FRMD5: variants seen among roughly 807,000 people sequenced by gnomAD.
FRMD5 encodes FERM domain-containing protein 5.
In FRMD5, 20 loss-of-function variants were observed where a neutral mutation model predicts 69.0. That is an observed-to-expected ratio of 0.29 (90% confidence interval 0.20 to 0.42). The LOEUF (loss-of-function observed/expected upper bound fraction) is 0.42. Among genes scored for constraint, FRMD5 ranks in the 10% least tolerant of loss-of-function variants. The pLI is 1.00. For missense variants in FRMD5, 595 were observed against 708.6 expected (o/e 0.84, Z 1.82); for synonymous variants, 271 against 260.1 (o/e 1.04, Z -0.40).
chr15:43,883,457 A>G (rs900212716), intron 13 of FRMD5, among the ~76,000 whole-genome samples: 6 of 152,118 alleles, frequency 3.9e-5, no homozygotes, highest in African/African-American at 2.4e-5. Context: ...GATCCCACAT[A>G]TGCAAGTCCC....
intron 1 of FRMD5, among the ~76,000 whole-genome samples, chr15:44,119,356 T>G (rs764184118): frequency 6.6e-6 from 1 of 152,154 alleles, no homozygotes; most frequent in African/African-American, 2.4e-5. Context: ...CCAAGATCCA[T>G]GTAAAGGGAG....
chr15:43,958,779 C>T (rs2090153733), intron 1 of FRMD5, among the ~76,000 whole-genome samples: 1 of 152,166 alleles, frequency 6.6e-6, no homozygotes, highest in Non-Finnish European at 1.5e-5. Flanking sequence ...AGATTCATTG[C>T]TTTACATTCT....
chr15:44,109,593 C>T (rs2076768685), intron 1 of FRMD5, among the ~76,000 whole-genome samples: 1 of 152,028 alleles, frequency 6.6e-6, no homozygotes, highest in Admixed American at 6.6e-5. Flanking sequence ...TATTGACATC[C>T]CACCCTACGG....
intron 1 of FRMD5, among the ~76,000 whole-genome samples, chr15:44,142,053 T>C (rs1455880946): frequency 3.9e-5 from 6 of 152,154 alleles, no homozygotes; most frequent in African/African-American, 1.4e-4. Context: ...CATTATCCCA[T>C]CCTGCACTAT....
In FRMD5 at chr15:43,883,753, C is replaced by G; in HGVS notation, c.1085G>C (p.Ser362Thr). 6.2e-7 allele frequency: 1 copy of G among 1,613,994 alleles called. No individual in the cohort carries two copies. The highest frequency in any genetic ancestry group is 1.1e-5 in the South Asian group (1 of 91,062). Reference sequence around the variant, plus strand: ...TCTTCTGCGGGTCCTGGGGACGCTGCTCAGCCTTGGGCCATGGGTTATGGA... The same window carrying G: ...TCTTCTGCGGGTCCTGGGGACGCTGGTCAGCCTTGGGCCATGGGTTATGGA... ...CPSITHGPRL[S>T]SVPRTRRRAV... The change falls in exon 13 of 14, where the codon AGC (serine) becomes ACC (threonine). Residue 362 changes from serine (S) to threonine (T), a missense_variant. Physicochemically the swap from Ser to Thr is moderately conservative, Grantham distance 58. This residue lies in a region of FRMD5 where 176 missense variants were observed against 266.3 expected (regional missense o/e 0.66). Transcript: ENST00000417257.
intron 1 of FRMD5, among the ~76,000 whole-genome samples, chr15:43,944,088 A>G (rs2089905740): frequency 6.6e-6 from 1 of 152,232 alleles, no homozygotes; most frequent in South Asian, 2.1e-4. Flanking sequence ...TGTTGCTTAT[A>G]ACAGAATATC....
At chr15:44,152,879 T>TAAAA (rs34543964) in intron 1 of FRMD5, among the ~76,000 whole-genome samples, 1 of 149,438 alleles carries the variant, frequency 6.7e-6, no homozygotes. Context: ...AAATATTTTC[T>TAAAA]AAAAAAAAAA....
intron 1 of FRMD5, among the ~76,000 whole-genome samples, chr15:44,035,872 G>T (rs4924734): frequency 0.9 from 137,020 of 152,194 alleles, 62,268 homozygotes; most frequent in East Asian, 1. Flanking sequence ...CAGGTACTTT[G>T]TATTCATCAG....
chr15:44,148,556 C>A (rs139613740), intron 1 of FRMD5, among the ~76,000 whole-genome samples: 25 of 152,286 alleles, frequency 1.6e-4, no homozygotes, highest in African/African-American at 5.1e-4. Context: ...CAGGCGTGAG[C>A]CACCGTGCCC....
intron 1 of FRMD5, among the ~76,000 whole-genome samples, chr15:44,167,042 G>A (rs1378902297): frequency 6.6e-6 from 1 of 151,984 alleles, no homozygotes; most frequent in Non-Finnish European, 1.5e-5. Context: ...ATTTTTTTCT[G>A]AGACTTCTAT....
chr15:44,101,259 C>G (rs2076636333), intron 1 of FRMD5, among the ~76,000 whole-genome samples: 1 of 152,142 alleles, frequency 6.6e-6, no homozygotes. Context: ...GGCCTGGCAG[C>G]TATTCACATG....
chr15:44,046,253 C>G (rs1435368776), intron 1 of FRMD5, among the ~76,000 whole-genome samples: 5 of 151,994 alleles, frequency 3.3e-5, no homozygotes, highest in African/African-American at 1.2e-4. Context: ...GAATAAGGAA[C>G]AAGTAGGACA....
At chr15:44,135,015 G>A (rs2077160943) in intron 1 of FRMD5, among the ~76,000 whole-genome samples, 1 of 152,194 alleles carries the variant, frequency 6.6e-6, no homozygotes, top group Non-Finnish European at 1.5e-5. Flanking sequence ...TCTCGCTACT[G>A]TAGAAAAGAG....
intron 1 of FRMD5, among the ~76,000 whole-genome samples, chr15:43,976,676 T>A (rs550587516): frequency 4.6e-5 from 7 of 152,304 alleles, no homozygotes; most frequent in Admixed American, 4.6e-4. Flanking sequence ...TTTCTTTTTT[T>A]TATTTTTGAG....
chr15:44,176,686 G>A (rs1433032700), intron 1 of FRMD5, among the ~76,000 whole-genome samples: 1 of 151,924 alleles, frequency 6.6e-6, no homozygotes, highest in East Asian at 1.9e-4. Flanking sequence ...ACTCAACAAA[G>A]AGACAAATAA....
In FRMD5 at chr15:43,945,730, T is replaced by C. The variant is rs78701072; in HGVS notation, c.103-21421A>G. ...ATGGACGGGAGGGCACATTGCACCA[T>C]AGAAAGCAAAACTCTGCCCCCTGCC... On this transcript the variant is annotated intron_variant, in intron 1 of 13. Transcript: ENST00000417257. 4.4e-3 allele frequency among the ~76,000 whole-genome samples: 672 copies of C among 152,212 alleles called. 15 individuals carry two copies. Among genetic ancestry groups the C allele is most frequent in the Non-Finnish European group, 3.3e-3 (223 of 67,996 alleles).
intron 1 of FRMD5, among the ~76,000 whole-genome samples, chr15:44,078,099 C>T (rs1460416816): frequency 6.6e-6 from 1 of 152,076 alleles, no homozygotes; most frequent in Non-Finnish European, 1.5e-5. Context: ...AAAACCTTTG[C>T]TAAAGGCAAA....
rs552177138 is a variant in FRMD5, at chr15:44,166,744, A to G, written c.102+28209T>C. Reference sequence around the variant, plus strand: ...GGTTGCAGTGAGCCAAGATCACACCACTGCACTCTAGCCTGGGTGACAAAG... The same window carrying G: ...GGTTGCAGTGAGCCAAGATCACACCGCTGCACTCTAGCCTGGGTGACAAAG... On this transcript the variant is annotated intron_variant, in intron 1 of 13. Coordinates refer to ENST00000417257, the MANE Select transcript of FRMD5 (RefSeq NM_032892.5). Among the ~76,000 whole-genome samples the G allele has an allele frequency of 5.6e-5, 8 of 143,904 alleles. No individual in the cohort carries two copies. In the East Asian group the frequency reaches 1.6e-3, roughly 30 times the overall value. The allele number at this position is 143,904 out of a possible 152,430, so 94.4% of individuals were successfully genotyped here.
intron 1 of FRMD5, among the ~76,000 whole-genome samples, chr15:43,953,522 T>C (rs769434988): frequency 6.6e-6 from 1 of 152,260 alleles, no homozygotes; most frequent in African/African-American, 2.4e-5. Context: ...ACTACTGTTA[T>C]GGCCTACATT....
Sources: gnomAD v4.1 joint callset for allele counts (sites outside exome capture counted in the v4.1 genomes callset) on GRCh38, gnomAD v4.1.1 for gene constraint, gnomAD v4.1.1 regional missense constraint, MANE v1.5 for transcripts, NCBI Gene and HGNC (gene_info 2026-07-23, HGNC 2026-07-21) for gene names.